The following PARP8 variants were observed in gnomAD, a reference collection of about 807,000 sequenced individuals.
PARP8 encodes protein mono-ADP-ribosyltransferase PARP8.
In PARP8, 51 loss-of-function variants were observed where a neutral mutation model predicts 124.1. The observed-to-expected ratio is 0.41, with a 90% CI of 0.33 to 0.52. PARP8 has a LOEUF of 0.52. PARP8 is among the 20% of genes least tolerant of loss of function. The pLI is 0.21. For missense variants in PARP8, 860 were observed against 1,018.9 expected, an observed-to-expected ratio of 0.84 and a Z score of 2.12; for synonymous variants, 391 against 361.5, an observed-to-expected ratio of 1.08 and a Z score of -0.93.
chr5:50,675,583 A>G (rs1750532166), intron 2 of PARP8, among the ~76,000 whole-genome samples: 1 of 152,250 alleles, frequency 6.6e-6, no homozygotes, highest in South Asian at 2.1e-4. Context: ...TGTTGGGATT[A>G]CGGGCGTGAG....
At position 50,843,063 on chromosome 5, in the gene PARP8, C is replaced by A. The variant is rs1748334840; in HGVS notation, c.*995C>A. The stretch of plus-strand genomic sequence containing the variant: ...ATTTTTATATTTGTTCATCTAATAT[C>A]TCTGCTTATTTTTTTCATATTGAGA... On this transcript the variant is annotated 3_prime_UTR_variant, in exon 26 of 26. Coordinates refer to ENST00000281631, the MANE Select transcript of PARP8 (RefSeq NM_024615.4). 6.7e-6 allele frequency: 1 copy of A among 148,358 alleles called. No individual in the cohort carries two copies. Among genetic ancestry groups the A allele is most frequent in the Non-Finnish European group, 1.5e-5 (1 of 66,994 alleles). The allele number at this position is 148,358 out of a possible 1,614,324, so 9.2% of individuals were successfully genotyped here.
In PARP8 at chr5:50,827,866, A is replaced by G. The variant is rs2287895; in HGVS notation, c.1978-78A>G. ...TTGAAAGTGGGTAATTCTTAAACCAATAAAATTTGAAATTGTCATCAGCCT... is the reference window on the plus strand; with the variant it reads ...TTGAAAGTGGGTAATTCTTAAACCAGTAAAATTTGAAATTGTCATCAGCCT... On this transcript the variant is annotated intron_variant, in intron 19 of 25. Transcript: ENST00000281631. 513 of 1,073,212 alleles carry G rather than the reference A, an allele frequency of 4.8e-4. 5 individuals are homozygous for G. The East Asian group carries it at 9.7e-3, about 20-fold the overall frequency. The allele number at this position is 1,073,212 out of a possible 1,614,324, so 66.5% of individuals were successfully genotyped here.
chr5:50,832,721 G>A (rs1747120892), intron 22 of PARP8, 60 bp from the exon 23 acceptor site: 2 of 1,533,140 alleles, frequency 1.3e-6, no homozygotes, highest in East Asian at 2.3e-5. Context: ...TAGGTCGATT[G>A]TACTTTCAGC....
chr5:50,742,822 G>A (rs1166507114), intron 2 of PARP8, among the ~76,000 whole-genome samples: 1 of 152,178 alleles, frequency 6.6e-6, no homozygotes, highest in Non-Finnish European at 1.5e-5. Context: ...GACCTAATCT[G>A]CAGTTTGGAG....
intron 2 of PARP8, among the ~76,000 whole-genome samples, chr5:50,702,677 A>G (rs1753720719): frequency 6.6e-6 from 1 of 152,178 alleles, no homozygotes; most frequent in South Asian, 2.1e-4. Flanking sequence ...TTCATTTTCT[A>G]CTTACTTTAA....
chr5:50,685,851 G>T (rs1280755459), intron 2 of PARP8, among the ~76,000 whole-genome samples: 1 of 152,154 alleles, frequency 6.6e-6, no homozygotes, highest in Non-Finnish European at 1.5e-5. Flanking sequence ...CTCCCCTCTT[G>T]AAACTTACTC....
intron 14 of PARP8, among the ~76,000 whole-genome samples, chr5:50,802,498 T>C (rs1198518604): frequency 6.7e-6 from 1 of 149,990 alleles, no homozygotes; most frequent in East Asian, 1.9e-4. Flanking sequence ...TTTAAAAAAG[T>C]TTTTTGTAGA....
At chr5:50,757,045 G>T in intron 3 of PARP8, 1 of 403,092 alleles carries the variant, frequency 2.5e-6, no homozygotes, top group South Asian at 1.8e-5. Flanking sequence ...TGTTGTATAT[G>T]TGTACCTCCG....
intron 2 of PARP8, among the ~76,000 whole-genome samples, chr5:50,680,812 C>T (rs1276532996): frequency 6.6e-6 from 1 of 152,068 alleles, no homozygotes; most frequent in Non-Finnish European, 1.5e-5. Flanking sequence ...TAAAATCTGG[C>T]ATATTTGGCA....
At chr5:50,838,701 G>C (rs572477718) in intron 25 of PARP8, among the ~76,000 whole-genome samples, 1 of 151,936 alleles carries the variant, frequency 6.6e-6, no homozygotes, top group Non-Finnish European at 1.5e-5. Context: ...CCAACATATA[G>C]AGTCGCTTCT....
intron 14 of PARP8, among the ~76,000 whole-genome samples, chr5:50,813,965 T>A (rs1277878918): frequency 1.3e-5 from 2 of 152,148 alleles, no homozygotes; most frequent in Non-Finnish European, 2.9e-5. Flanking sequence ...TTTAATCATA[T>A]AAAAGTGATG....
chr5:50,759,555 G>C (rs1351565287), intron 3 of PARP8, 88 bp from the exon 4 acceptor site: 1 of 1,348,820 alleles, frequency 7.4e-7, no homozygotes, highest in Non-Finnish European at 9.8e-7. Context: ...GAACTAAAGT[G>C]ATGTGCATAT....
At chr5:50,669,115 C>T (rs1287603755) in intron 2 of PARP8, 7 of 152,180 alleles carry the variant, frequency 4.6e-5, no homozygotes, top group Admixed American at 4.6e-4. Context: ...CATCTCAAAA[C>T]ATTTAAAGTG....
chr5:50,702,422 G>A (rs1753694857), intron 2 of PARP8, among the ~76,000 whole-genome samples: 2 of 152,184 alleles, frequency 1.3e-5, no homozygotes, highest in African/African-American at 4.8e-5. Flanking sequence ...TCTCACACCT[G>A]CCTGGAGAGT....
chr5:50,668,155 C>G (rs1196085314), intron 2 of PARP8, 30 bp downstream of exon 2: 2 of 1,528,642 alleles, frequency 1.3e-6, no homozygotes, highest in Non-Finnish European at 1.8e-6. Context: ...TGCTTCATTT[C>G]CTGTTCACAC....
chr5:50,740,395 G>T (rs1757926497), intron 2 of PARP8, among the ~76,000 whole-genome samples: 1 of 152,164 alleles, frequency 6.6e-6, no homozygotes, highest in Non-Finnish European at 1.5e-5. Context: ...ACATGCTCAA[G>T]AACTGAAAGG....
In PARP8 at chr5:50,667,106, G is replaced by C. The variant is rs1286445384; in HGVS notation, c.11G>C (p.Cys4Ser). Residue 4 changes from cysteine (C) to serine (S), a missense_variant, in exon 1 of 26, where the codon TGT (cysteine) becomes TCT (serine). By Grantham distance (112) the Cys-to-Ser change is moderately radical. Around this residue, in one of 2 missense-constraint regions of PARP8, gnomAD observed 517 missense variants for 544.2 expected, o/e 0.95. Transcript: ENST00000281631. MGM[C>S]SRQERIQKDI... ...CCAGGGATTTATTTAATGGGGATGT[G>C]TTCAAGGCAAGAGCGAATTCAGAAG... 6.3e-7 allele frequency: 1 copy of C among 1,596,386 alleles called. No individual in the cohort carries two copies. The highest frequency in any genetic ancestry group is 1.7e-5 in the Admixed American group (1 of 60,014).
chr5:50,790,117 T>TAA (rs1561383687), intron 10 of PARP8, among the ~76,000 whole-genome samples: 1 of 152,212 alleles, frequency 6.6e-6, no homozygotes, highest in African/African-American at 2.4e-5. Flanking sequence ...AACATTCTTA[T>TAA]AAATTCCCAG....
intron 14 of PARP8, among the ~76,000 whole-genome samples, chr5:50,808,695 A>T (rs1326343464): frequency 6.6e-6 from 1 of 152,076 alleles, no homozygotes; most frequent in East Asian, 1.9e-4. Context: ...GGCCTGACTC[A>T]GTTCCCAAAC....
Sources: gnomAD v4.1 joint callset for allele counts (sites outside exome capture counted in the v4.1 genomes callset) on GRCh38, gnomAD v4.1.1 for gene constraint, gnomAD v4.1.1 regional missense constraint, MANE v1.5 for transcripts, NCBI Gene and HGNC (gene_info 2026-07-23, HGNC 2026-07-21) for gene names.